The following CLSTN2 variants were observed in gnomAD, a reference collection of about 807,000 sequenced individuals.
CLSTN2 encodes the protein calsyntenin 2, also known as calsyntenin-2.
CLSTN2 carries 48 observed loss-of-function variants against 101.2 expected under a neutral mutation model. The observed-to-expected ratio is 0.47, with a 90% CI of 0.38 to 0.60. The LOEUF is 0.60. Among genes scored for constraint, CLSTN2 ranks in the 20% least tolerant of loss-of-function variants. The pLI is 0.00. For synonymous variants in CLSTN2, 481 were observed against 463.6 expected (o/e 1.04, Z -0.48); for missense variants, 1,160 against 1,238.2 (o/e 0.94, Z 0.95).
chr3:140,302,923 C>T lies in CLSTN2; in HGVS notation c.233-100706C>T, dbSNP rs572008759. Among the ~76,000 whole-genome samples, 9 of 152,216 alleles carry T rather than the reference C, an allele frequency of 5.9e-5. No homozygotes were observed. The South Asian group carries it at 6.2e-4, about 11-fold the overall frequency. On this transcript the variant is annotated intron_variant, in intron 2 of 16. Transcript: ENST00000458420. The stretch of plus-strand genomic sequence containing the variant: ...GTGTGAGCTAAAAGTGTGTCAGCCC[C>T]GGAGATGGGGCAGGACTGTGATTCC...
At chr3:140,139,347 A>C (rs2009662111) in intron 1 of CLSTN2, among the ~76,000 whole-genome samples, 1 of 152,198 alleles carries the variant, frequency 6.6e-6, no homozygotes, top group East Asian at 1.9e-4. Context: ...ATGAAGTCTA[A>C]GTGACTGAGC....
chr3:139,967,815 T>C (rs1354227211), intron 1 of CLSTN2, among the ~76,000 whole-genome samples: 1 of 151,560 alleles, frequency 6.6e-6, no homozygotes, highest in African/African-American at 2.4e-5. Context: ...AGTTCCATGG[T>C]TTTACACATC....
chr3:140,564,854 G>A (rs1935997945), intron 16 of CLSTN2, among the ~76,000 whole-genome samples: 1 of 152,158 alleles, frequency 6.6e-6, no homozygotes, highest in Admixed American at 6.5e-5. Flanking sequence ...GAGTGTCAAA[G>A]GAAGCCCTCT....
At chr3:140,336,655 C>T (rs1576521234) in intron 2 of CLSTN2, among the ~76,000 whole-genome samples, 1 of 152,350 alleles carries the variant, frequency 6.6e-6, no homozygotes. Flanking sequence ...CCCCAGCTTT[C>T]ATCAGCCTGT....
At chr3:140,225,564 A>G (rs574637163) in intron 2 of CLSTN2, among the ~76,000 whole-genome samples, 20 of 152,200 alleles carry the variant, frequency 1.3e-4, no homozygotes, top group African/African-American at 4.8e-4. Context: ...GTGGCGCGAT[A>G]TCGGCTCACT....
At chr3:140,315,195 C>T (rs567655038) in intron 2 of CLSTN2, among the ~76,000 whole-genome samples, 2 of 152,272 alleles carry the variant, frequency 1.3e-5, no homozygotes, top group East Asian at 1.9e-4. Context: ...CAACCAGATT[C>T]GGAAGCTGTG....
At chr3:140,120,294 A>G (rs2107798851) in intron 1 of CLSTN2, among the ~76,000 whole-genome samples, 1 of 152,266 alleles carries the variant, frequency 6.6e-6, no homozygotes, top group East Asian at 1.9e-4. Context: ...ACTCAGGGAA[A>G]CATGTTTACT....
At chr3:140,049,645 TTCCTTTTGACCACGTTGC>T (rs2107767675) in intron 1 of CLSTN2, among the ~76,000 whole-genome samples, 1 of 152,210 alleles carries the variant, frequency 6.6e-6, no homozygotes, top group South Asian at 2.1e-4. Flanking sequence ...GCTCAAAAGT[TTCCTTTTGACCACGTTGC>T]TTCAAGAGAC....
intron 10 of CLSTN2, among the ~76,000 whole-genome samples, 193 bp downstream of exon 10, chr3:140,546,874 T>C (rs1463334604): frequency 6.6e-6 from 1 of 152,174 alleles, no homozygotes; most frequent in Non-Finnish European, 1.5e-5. Context: ...GGGCTTCTGC[T>C]GCCATCTTCT....
intron 1 of CLSTN2, among the ~76,000 whole-genome samples, chr3:140,142,028 C>T (rs573658359): frequency 4.6e-5 from 7 of 152,306 alleles, no homozygotes; most frequent in African/African-American, 1.4e-4. Flanking sequence ...GCAGCAACTC[C>T]AGGACTTGAG....
In CLSTN2 at chr3:140,311,270, A is replaced by T. The variant is rs145395116; in HGVS notation, c.233-92359A>T. Among the ~76,000 whole-genome samples, 585 of 141,046 alleles carry T rather than the reference A, an allele frequency of 4.1e-3. 3 individuals are homozygous for T. The highest frequency in any genetic ancestry group is 6.0e-3 in the Non-Finnish European group (399 of 66,008). 92.5% of individuals were successfully genotyped at this position (141,046 alleles called of 152,430 possible). On this transcript the variant is annotated intron_variant, in intron 2 of 16. Transcript: ENST00000458420. Reference sequence around the variant, plus strand: ...TGTGTGAATTAATAATAATAATAACAGCTAAGGTTTATTATCCTTTTTTTT... The same window carrying T: ...TGTGTGAATTAATAATAATAATAACTGCTAAGGTTTATTATCCTTTTTTTT...
In CLSTN2 at chr3:140,416,366, C is replaced by T. The variant is rs368127777; in HGVS notation, c.638-4759C>T. 9.9e-5 allele frequency among the ~76,000 whole-genome samples: 15 copies of T among 151,036 alleles called. No homozygotes were observed. The East Asian group carries it at 2.1e-3, about 22-fold the overall frequency. On this transcript the variant is annotated intron_variant, in intron 4 of 16. Transcript: ENST00000458420. ...GAGAGTAGATCTCAACTGAGCTCAC[C>T]ACACACACACAAACACACACACACA...
At chr3:140,056,244 G>T (rs1384249607) in intron 1 of CLSTN2, among the ~76,000 whole-genome samples, 1 of 152,186 alleles carries the variant, frequency 6.6e-6, no homozygotes, top group African/African-American at 2.4e-5. Flanking sequence ...TGTAACCTCA[G>T]CACCTAGCAC....
chr3:140,364,584 T>C (rs2087764429), intron 2 of CLSTN2, among the ~76,000 whole-genome samples: 1 of 151,502 alleles, frequency 6.6e-6, no homozygotes, highest in South Asian at 2.1e-4. Context: ...AAGGGTGGGG[T>C]AGGGAGTGAG....
In CLSTN2 at chr3:140,395,290, C is replaced by T. The variant is rs147162081; in HGVS notation, c.233-8339C>T. 4.7e-3 allele frequency among the ~76,000 whole-genome samples: 719 copies of T among 152,234 alleles called. 8 individuals are homozygous for T. Among genetic ancestry groups the T allele is most frequent in the African/African-American group, 0.017 (694 of 41,546 alleles). On this transcript the variant is annotated intron_variant, in intron 2 of 16. Transcript: ENST00000458420. Reference sequence around the variant, plus strand: ...TGAATGGGAACCAAGGTTAAGTTATCACTATGCACCTAGCTGCTTGCAGGC... The same window carrying T: ...TGAATGGGAACCAAGGTTAAGTTATTACTATGCACCTAGCTGCTTGCAGGC...
chr3:140,046,971 T>C (rs1023095073), intron 1 of CLSTN2, among the ~76,000 whole-genome samples: 2 of 152,146 alleles, frequency 1.3e-5, no homozygotes, highest in Non-Finnish European at 2.9e-5. Context: ...TTTTGAACAT[T>C]TGCCTACCAC....
At chr3:140,274,407 A>G (rs913196951) in intron 2 of CLSTN2, among the ~76,000 whole-genome samples, 31 of 152,194 alleles carry the variant, frequency 2.0e-4, no homozygotes, top group African/African-American at 7.2e-4. Context: ...CTGTCCATTC[A>G]GCTAATCTTG....
At chr3:140,025,660 C>T (rs1265557867) in intron 1 of CLSTN2, among the ~76,000 whole-genome samples, 2 of 152,158 alleles carry the variant, frequency 1.3e-5, no homozygotes, top group Non-Finnish European at 2.9e-5. Flanking sequence ...ATGACAGCTG[C>T]AGCCAAAGAG....
chr3:139,980,430 G>A (rs918847609), intron 1 of CLSTN2, among the ~76,000 whole-genome samples: 1 of 152,064 alleles, frequency 6.6e-6, no homozygotes, highest in Non-Finnish European at 1.5e-5. Flanking sequence ...TCATCAGAAA[G>A]TCCATCTATG....
Sources: gnomAD v4.1 joint callset for allele counts (sites outside exome capture counted in the v4.1 genomes callset) on GRCh38, gnomAD v4.1.1 for gene constraint, MANE v1.5 for transcripts, NCBI Gene and HGNC (gene_info 2026-07-23, HGNC 2026-07-21) for gene names.